The following RAB27B variants were observed in gnomAD, a reference collection of about 807,000 sequenced individuals.
RAB27B encodes RAB27B, member RAS oncogene family.
Under a neutral mutation model 24.6 loss-of-function variants are expected in RAB27B, and 15 were observed. That is an observed-to-expected ratio of 0.61 (90% CI 0.41 to 0.94). The LOEUF (loss-of-function observed/expected upper bound fraction) is 0.94, where lower values mean the gene tolerates loss of function less well. RAB27B is among the 40% of genes least tolerant of loss of function. The pLI, the probability that RAB27B is intolerant of heterozygous loss-of-function variation, is 0.00. For missense variants in RAB27B, 261 were observed against 266.8 expected (o/e 0.98, Z 0.15); for synonymous variants, 105 against 92.5 (o/e 1.14, Z -0.78).
chr18:54,782,199 A>T (rs906784059), intron 2 of RAB27B, among the ~76,000 whole-genome samples: 2 of 152,342 alleles, frequency 1.3e-5, no homozygotes, highest in East Asian at 3.9e-4. Context: ...TGCAGTTGTT[A>T]TTCTGACATC....
In RAB27B at chr18:54,843,743, A is replaced by G. The variant is rs532042801; in HGVS notation, c.-20+15043A>G. ...CACTTTAATGTATCATAATAACATG[A>G]GGATTATTTCTATTCTTCTAAAATG... On this transcript the variant is annotated intron_variant, in intron 1 of 5. Coordinates refer to ENST00000262094, the MANE Select transcript of RAB27B (RefSeq NM_004163.4). 2.0e-5 allele frequency among the ~76,000 whole-genome samples: 3 copies of G among 152,368 alleles called. No homozygotes were observed. The South Asian group carries it at 6.2e-4, about 32-fold the overall frequency.
rs529496897 is a variant in RAB27B, at chr18:54,761,054, T to C, written c.-20+42913T>C. 3.3e-5 allele frequency among the ~76,000 whole-genome samples: 5 copies of C among 151,882 alleles called. No homozygotes were observed. The East Asian group carries it at 7.7e-4, about 24-fold the overall frequency. ...TTGCTTGAGAATCTGATATCACAAATGGGATAATTTATAGTATTTCATTTC... is the reference window on the plus strand; with the variant it reads ...TTGCTTGAGAATCTGATATCACAAACGGGATAATTTATAGTATTTCATTTC... On this transcript the variant is annotated intron_variant, in intron 2 of 4. Coordinates refer to the RAB27B transcript ENST00000586570.
At chr18:54,776,623 T>C (rs1598895983) in intron 2 of RAB27B, among the ~76,000 whole-genome samples, 2 of 152,326 alleles carry the variant, frequency 1.3e-5, no homozygotes, top group East Asian at 1.9e-4. Flanking sequence ...GTGTGGGCCA[T>C]GTCAACAATG....
At chr18:54,848,340 A>G (rs910451171) in intron 1 of RAB27B, among the ~76,000 whole-genome samples, 1 of 152,212 alleles carries the variant, frequency 6.6e-6, no homozygotes, top group Non-Finnish European at 1.5e-5. Context: ...TTTTTGCACT[A>G]TAGAGATTTT....
At position 54,889,712 on chromosome 18, in the gene RAB27B, T is replaced by A. The variant is rs1364975379; in HGVS notation, c.*299T>A. The A allele has an allele frequency of 1.0e-5, 2 of 199,500 alleles. No individual in the cohort carries two copies. 12.4% of individuals were successfully genotyped at this position (199,500 alleles called of 1,614,324 possible). A position where few individuals can be genotyped will look rare whatever the true frequency, so the allele number is the denominator to read the frequency against. On this transcript the variant is annotated 3_prime_UTR_variant, in exon 6 of 6. Coordinates refer to ENST00000262094, the MANE Select transcript of RAB27B (RefSeq NM_004163.4). ...ATATAAGACAATATACAAGAAGAAA[T>A]ATCAGTGAGTTTTAAATCAGAACAA...
chr18:54,858,926 G>A (rs1479395981), intron 1 of RAB27B, among the ~76,000 whole-genome samples: 1 of 152,052 alleles, frequency 6.6e-6, no homozygotes, highest in African/African-American at 2.4e-5. Context: ...GTGAATGACA[G>A]CTTTTTGTGA....
chr18:54,885,093 C>T (rs1343920201), intron 4 of RAB27B, among the ~76,000 whole-genome samples: 1 of 152,164 alleles, frequency 6.6e-6, no homozygotes, highest in Non-Finnish European at 1.5e-5. Flanking sequence ...TGACATACAT[C>T]ACCACAGGAG....
In RAB27B at chr18:54,888,071, G is replaced by C. The variant is rs150505850; in HGVS notation, c.420G>C (p.Gln140His). 22 of 1,613,230 alleles carry C rather than the reference G, an allele frequency of 1.4e-5. 1 individual carries two copies. In the African/African-American group the frequency reaches 1.7e-4, roughly 13 times the overall value. ...LIGNKADLPDQREVNERQARE... is the reference protein window; with the variant it reads ...LIGNKADLPDHREVNERQARE... ...GCAACAAGGCAGACCTACCAGATCAGAGGGAAGTCAATGAACGGCAAGCTC... is the reference window on the plus strand; with the variant it reads ...GCAACAAGGCAGACCTACCAGATCACAGGGAAGTCAATGAACGGCAAGCTC... Residue 140 changes from glutamine (Q) to histidine (H), a missense_variant, in exon 5 of 6, where the codon CAG becomes CAC. Physicochemically the swap from Gln to His is conservative, Grantham distance 24. Coordinates refer to ENST00000262094, the MANE Select transcript of RAB27B (RefSeq NM_004163.4).
intron 2 of RAB27B, among the ~76,000 whole-genome samples, chr18:54,822,529 A>G (rs1279379781): frequency 6.6e-6 from 1 of 152,238 alleles, no homozygotes; most frequent in African/African-American, 2.4e-5. Context: ...CAGCAAAGCA[A>G]ATATAATTAA....
At chr18:54,773,078 TC>T (rs1908602695) in intron 2 of RAB27B, among the ~76,000 whole-genome samples, 1 of 152,170 alleles carries the variant, frequency 6.6e-6, no homozygotes, top group Non-Finnish European at 1.5e-5. Flanking sequence ...TCTTCACCAA[TC>T]CTTTTTTGGT....
intron 1 of RAB27B, among the ~76,000 whole-genome samples, chr18:54,838,117 G>A (rs1218184670): frequency 6.6e-6 from 1 of 152,078 alleles, no homozygotes; most frequent in Non-Finnish European, 1.5e-5. Flanking sequence ...TTAATTAGTA[G>A]CTTTGTTCTA....
intron 2 of RAB27B, among the ~76,000 whole-genome samples, chr18:54,822,693 T>C (rs1910348727): frequency 6.7e-6 from 1 of 150,140 alleles, no homozygotes; most frequent in Non-Finnish European, 1.5e-5. Context: ...TTTTATAACT[T>C]TTCTTCTCTT....
chr18:54,732,187 A>C (rs1307140743), intron 2 of RAB27B, among the ~76,000 whole-genome samples: 5 of 152,212 alleles, frequency 3.3e-5, no homozygotes. Flanking sequence ...TCAATAAAAG[A>C]GTGATTGCTC....
intron 2 of RAB27B, among the ~76,000 whole-genome samples, chr18:54,755,446 A>T (rs887889929): frequency 1.1e-4 from 16 of 152,160 alleles, no homozygotes; most frequent in African/African-American, 3.9e-4. Context: ...AGGGTTTTGT[A>T]TTAAAAAATA....
chr18:54,755,864 C>T (rs192085363), intron 2 of RAB27B, among the ~76,000 whole-genome samples: 13 of 152,294 alleles, frequency 8.5e-5, no homozygotes, highest in African/African-American at 2.6e-4. Flanking sequence ...TAAACTATTG[C>T]ACAAGGGGAA....
intron 2 of RAB27B, among the ~76,000 whole-genome samples, chr18:54,754,314 TC>T (rs1456518884): frequency 6.8e-6 from 1 of 146,606 alleles, no homozygotes; most frequent in Admixed American, 6.8e-5. Context: ...TCCTGAGGCC[TC>T]CCCAGCCATG....
chr18:54,807,594 C>A (rs1351324859), intron 2 of RAB27B, among the ~76,000 whole-genome samples: 1 of 152,164 alleles, frequency 6.6e-6, no homozygotes, highest in Non-Finnish European at 1.5e-5. Flanking sequence ...GCTATGGAAA[C>A]AAGCCCAACT....
chr18:54,888,314 C>T (rs1262406554), intron 5 of RAB27B, among the ~76,000 whole-genome samples, 196 bp downstream of exon 5: 2 of 152,078 alleles, frequency 1.3e-5, no homozygotes, highest in African/African-American at 4.8e-5. Context: ...TACTGTATAC[C>T]TATAATGTGC....
At chr18:54,798,777 C>G (rs1426893139) in intron 2 of RAB27B, among the ~76,000 whole-genome samples, 1 of 152,180 alleles carries the variant, frequency 6.6e-6, no homozygotes, top group Non-Finnish European at 1.5e-5. Context: ...ACACTAAATA[C>G]AATTATTTAT....
Sources: allele counts gnomAD v4.1 joint callset (sites outside exome capture counted in the v4.1 genomes callset), GRCh38; gene constraint gnomAD v4.1.1; transcripts MANE v1.5; gene names NCBI Gene and HGNC (gene_info 2026-07-23, HGNC 2026-07-21).